The following ZNF366 variants were observed in gnomAD, a reference collection of about 807,000 sequenced individuals.
ZNF366 encodes the protein zinc finger protein 366, also known as dendritic cell-specific transcript protein.
ZNF366 carries 20 observed loss-of-function variants against 47.2 expected under a neutral mutation model. That is an observed-to-expected ratio of 0.42 (90% CI 0.30 to 0.62). The LOEUF (loss-of-function observed/expected upper bound fraction) is 0.62, where lower values mean the gene tolerates loss of function less well. Ranked by LOEUF, ZNF366 falls within the 20% of genes least tolerant of loss-of-function variation. The probability of loss-of-function intolerance (pLI) is 0.16; values close to 1 mark genes in which losing one functional copy is unlikely to be tolerated. For missense variants in ZNF366, 987 were observed against 976.3 expected, an observed-to-expected ratio of 1.01 and a Z score of -0.15; for synonymous variants, 421 against 395.1, an observed-to-expected ratio of 1.07 and a Z score of -0.78.
rs564870814 is a variant in ZNF366, at chr5:72,456,330, G to C, written c.1524+74C>G. On this transcript the variant is annotated intron_variant, in intron 3 of 4. Coordinates refer to ENST00000318442, the MANE Select transcript of ZNF366 (RefSeq NM_152625.3). The stretch of plus-strand genomic sequence containing the variant: ...GTAGCCCCACTGATGAAACAGAGTA[G>C]AAGGCTCCCTGGGGACCCTTTCCCA... 78 of 1,498,912 alleles carry C rather than the reference G, an allele frequency of 5.2e-5. No homozygotes were observed. In the African/African-American group the frequency reaches 8.8e-4, roughly 17 times the overall value. 92.9% of individuals were successfully genotyped at this position (1,498,912 alleles called of 1,614,324 possible). A position where few individuals can be genotyped will look rare whatever the true frequency, so the allele number is the denominator to read the frequency against.
chr5:72,500,815 G>C (rs1409941537), intron 1 of ZNF366, among the ~76,000 whole-genome samples: 1 of 152,200 alleles, frequency 6.6e-6, no homozygotes, highest in Non-Finnish European at 1.5e-5. Context: ...TGATTCAGTT[G>C]ATCTGCAGTG....
chr5:72,493,025 T>C (rs1173809025), intron 1 of ZNF366, among the ~76,000 whole-genome samples: 1 of 152,172 alleles, frequency 6.6e-6, no homozygotes, highest in Non-Finnish European at 1.5e-5. Context: ...CTCACCAAAA[T>C]GAATATTCCC....
chr5:72,480,874 C>G (rs977237622), intron 1 of ZNF366, among the ~76,000 whole-genome samples: 25 of 152,112 alleles, frequency 1.6e-4, no homozygotes, highest in Non-Finnish European at 2.9e-5. Context: ...TGGAAAATTC[C>G]ACGTGAGTGA....
rs1353083735 is a variant in ZNF366 at position 72,461,330 on chromosome 5, C to T, written c.167G>A (p.Arg56Gln). The T allele has an allele frequency of 6.8e-6, 11 of 1,613,964 alleles. 1 individual carries two copies. Among genetic ancestry groups the T allele is most frequent in the Admixed American group, 5.0e-5 (3 of 60,012 alleles). Residue 56 changes from arginine to glutamine, a missense_variant, in exon 2 of 5, where the codon CGG (arginine) becomes CAG (glutamine). Transcript: ENST00000318442. Reference protein sequence around the residue: ...EALRGPFSQFRYEPPPGDLDG... With the variant: ...EALRGPFSQFQYEPPPGDLDG... ...TAGGTCTCCTGGGGGAGGTTCATAC[C>T]GAAACTGGGAAAATGGCCCTCGGAG...
At chr5:72,446,020 ATCTG>A (rs1158657409) in intron 4 of ZNF366, among the ~76,000 whole-genome samples, 1 of 152,170 alleles carries the variant, frequency 6.6e-6, no homozygotes, top group African/African-American at 2.4e-5. Flanking sequence ...GCATATGTCT[ATCTG>A]TTTATGAATA....
At chr5:72,456,244 CAGAGAGGGAT>C (rs1424149723) in intron 3 of ZNF366, among the ~76,000 whole-genome samples, 150 bp downstream of exon 3, 3 of 152,230 alleles carry the variant, frequency 2.0e-5, no homozygotes, top group Non-Finnish European at 2.9e-5. Flanking sequence ...GTGGGGCGTG[CAGAGAGGGAT>C]AGAGTGGCAG....
intron 1 of ZNF366, among the ~76,000 whole-genome samples, chr5:72,471,638 AC>A (rs1349012562): frequency 6.6e-6 from 1 of 152,164 alleles, no homozygotes; most frequent in Non-Finnish European, 1.5e-5. Context: ...TGGAAAGGAA[AC>A]TTTTAATGGT....
intron 3 of ZNF366, among the ~76,000 whole-genome samples, chr5:72,454,769 T>C (rs1743146689): frequency 6.6e-6 from 1 of 152,152 alleles, no homozygotes; most frequent in South Asian, 2.1e-4. Context: ...CAGTAAACCC[T>C]TTGCAAGAAG....
At chr5:72,444,453 G>A (rs1454638247) in intron 4 of ZNF366, among the ~76,000 whole-genome samples, 162 bp from the exon 5 acceptor site, 1 of 152,236 alleles carries the variant, frequency 6.6e-6, no homozygotes, top group Non-Finnish European at 1.5e-5. Flanking sequence ...GTAACAGACA[G>A]TGTCCAAATC....
At chr5:72,474,810 GA>G (rs1370890337) in intron 1 of ZNF366, among the ~76,000 whole-genome samples, 1 of 152,036 alleles carries the variant, frequency 6.6e-6, no homozygotes, top group Non-Finnish European at 1.5e-5. Context: ...TCTCTGTATG[GA>G]ATCCTCCACA....
At chr5:72,479,254 G>T (rs542238789) in intron 1 of ZNF366, among the ~76,000 whole-genome samples, 19 of 152,000 alleles carry the variant, frequency 1.3e-4, no homozygotes, top group Non-Finnish European at 1.8e-4. Context: ...AGGTTGAATA[G>T]CCTGATTGTA....
At chr5:72,450,791 T>G (rs1743053975) in intron 3 of ZNF366, among the ~76,000 whole-genome samples, 1 of 152,234 alleles carries the variant, frequency 6.6e-6, no homozygotes, top group South Asian at 2.1e-4. Context: ...TGTCCTCATC[T>G]GAAAACACCC....
At chr5:72,491,966 A>G (rs1744019340) in intron 1 of ZNF366, among the ~76,000 whole-genome samples, 1 of 152,146 alleles carries the variant, frequency 6.6e-6, no homozygotes, top group Admixed American at 6.6e-5. Context: ...GTGGTGGAGG[A>G]GTGTTCTAGG....
At chr5:72,459,851 C>A (rs556685514) in intron 2 of ZNF366, among the ~76,000 whole-genome samples, 1 of 152,146 alleles carries the variant, frequency 6.6e-6, no homozygotes, top group African/African-American at 2.4e-5. Flanking sequence ...TTCTAGAAAC[C>A]GAATCTGCAA....
chr5:72,464,936 T>C (rs1343612213), intron 1 of ZNF366, among the ~76,000 whole-genome samples: 1 of 151,742 alleles, frequency 6.6e-6, no homozygotes, highest in African/African-American at 2.4e-5. Context: ...CGGGTGCCTG[T>C]AATCCCAGCT....
chr5:72,464,533 CAA>C (rs551123332), intron 1 of ZNF366, among the ~76,000 whole-genome samples: 2 of 142,832 alleles, frequency 1.4e-5, no homozygotes, highest in Non-Finnish European at 1.5e-5. Flanking sequence ...CCTAGTAAAG[CAA>C]AAAAAAAAAT....
chr5:72,466,006 A>G (rs1049755836), intron 1 of ZNF366, among the ~76,000 whole-genome samples: 6 of 152,198 alleles, frequency 3.9e-5, no homozygotes, highest in Non-Finnish European at 5.9e-5. Flanking sequence ...AGGAGTGAGA[A>G]AGAGTGGACA....
At chr5:72,502,302 T>C (rs946648059) in intron 1 of ZNF366, among the ~76,000 whole-genome samples, 1 of 152,332 alleles carries the variant, frequency 6.6e-6, no homozygotes, top group East Asian at 1.9e-4. Context: ...GTAAATACCA[T>C]TGTTTTATGT....
intron 1 of ZNF366, 91 bp from the exon 2 acceptor site, chr5:72,461,601 T>C: frequency 6.8e-7 from 1 of 1,467,754 alleles, no homozygotes; most frequent in Non-Finnish European, 9.1e-7. Flanking sequence ...TCAGTACTAA[T>C]TTATGAAGAG....
Sources: allele counts gnomAD v4.1 joint callset (sites outside exome capture counted in the v4.1 genomes callset), GRCh38; gene constraint gnomAD v4.1.1; transcripts MANE v1.5; gene names NCBI Gene and HGNC (gene_info 2026-07-23, HGNC 2026-07-21).